Variants in PCDHGA8 observed in about 807,000 individuals in gnomAD.
PCDHGA8 encodes the protein protocadherin gamma subfamily A, 8.
In PCDHGA8, 45 loss-of-function variants were observed where a neutral mutation model predicts 59.2. The ratio of observed to expected loss-of-function variants is 0.76; its 90% CI spans 0.60 to 0.98. The LOEUF is 0.98. PCDHGA8 is among the 50% of genes least tolerant of loss of function. PCDHGA8 has a pLI of 0.00. For synonymous variants in PCDHGA8, 531 were observed against 519.0 expected (o/e 1.02, Z -0.32); for missense variants, 1,257 against 1,196.2 (o/e 1.05, Z -0.75).
intron 1 of PCDHGA8, among the ~76,000 whole-genome samples, chr5:141,467,960 C>T (rs1303642319): frequency 6.6e-6 from 1 of 151,998 alleles, no homozygotes; most frequent in Non-Finnish European, 1.5e-5. Flanking sequence ...CACCCGGCTG[C>T]CAGAAAATTT....
chr5:141,490,906 G>C lies in PCDHGA8; in HGVS notation c.2425-3901G>C. On this transcript the variant is annotated intron_variant, in intron 1 of 3. Transcript: ENST00000398604. The surrounding 1 kb of genome is among the most constrained non-coding windows in gnomAD (Gnocchi z 5.4). ...CACATCTCTGCATGTGTTTGTCCTA[G>C]ACGAGAATGATAATGCCCCAGCTGT... The C allele has an allele frequency of 1.9e-6, 3 of 1,613,798 alleles. No individual in the cohort carries two copies. The highest frequency in any genetic ancestry group is 2.5e-6 in the Non-Finnish European group (3 of 1,179,808).
chr5:141,441,838 C>T, intron 1 of PCDHGA8: 4 of 355,582 alleles, frequency 1.1e-5, no homozygotes, highest in South Asian at 9.6e-5. Flanking sequence ...TGGCTTCGCG[C>T]TCTTGGATAT....
intron 1 of PCDHGA8, among the ~76,000 whole-genome samples, chr5:141,488,802 A>G (rs910422824): frequency 2.0e-5 from 3 of 152,294 alleles, no homozygotes; most frequent in Middle Eastern, 3.4e-3. Flanking sequence ...CCTGTTGAGT[A>G]CCATCTGAGC....
intron 1 of PCDHGA8, among the ~76,000 whole-genome samples, chr5:141,438,655 T>G (rs1436221152): frequency 7.1e-6 from 1 of 140,042 alleles, no homozygotes; most frequent in East Asian, 2.1e-4. Flanking sequence ...CACACACATA[T>G]ATGTATATAT....
rs780268305 is a variant in PCDHGA8, at chr5:141,410,637, T to G, written c.2424+15400T>G. 1.9e-6 allele frequency: 3 copies of G among 1,599,938 alleles called. No homozygotes were observed. In the South Asian group the frequency reaches 3.3e-5, roughly 18 times the overall value. ...CTGACTTCGGTGAGTTTCTCTTTTT[T>G]GTGTGTGATTTATCTAATAGTCTAC... On this transcript the variant is annotated intron_variant, in intron 1 of 3. Transcript: ENST00000398604.
At chr5:141,415,804 A>C in intron 1 of PCDHGA8, 1 of 1,366,960 alleles carries the variant, frequency 7.3e-7, no homozygotes, top group Non-Finnish European at 9.4e-7. Flanking sequence ...AGTCTCAATC[A>C]AGGCCTATAT....
At position 141,493,906 on chromosome 5, in the gene PCDHGA8, G is replaced by A. The variant is rs2099750764; in HGVS notation, c.2425-901G>A. ...CTCTAGGAGTGCTCCATGAGAGTGT[G>A]TGATGGGATAACACACCCCCTGGAA... is the stretch of plus-strand genomic sequence containing the variant. On this transcript the variant is annotated intron_variant, in intron 1 of 3. Transcript: ENST00000398604. The surrounding 1 kb of genome is among the most constrained non-coding windows in gnomAD (Gnocchi z 4.3). Among the ~76,000 whole-genome samples the A allele has an allele frequency of 6.6e-6, 1 of 152,200 alleles. No individual in the cohort carries two copies. Among genetic ancestry groups the A allele is most frequent in the Non-Finnish European group, 1.5e-5 (1 of 68,032 alleles).
intron 1 of PCDHGA8, chr5:141,421,253 A>G: frequency 6.2e-7 from 1 of 1,607,298 alleles, no homozygotes; most frequent in South Asian, 1.1e-5. Context: ...CAGCGCGGGG[A>G]CCGCAGTCGG....
rs772659046 is a variant in PCDHGA8 at position 141,426,970 on chromosome 5, A to C, written c.2424+31733A>C. On this transcript the variant is annotated intron_variant, in intron 1 of 3. Coordinates refer to ENST00000398604, the MANE Select transcript of PCDHGA8 (RefSeq NM_032088.2). Reference sequence around the variant, plus strand: ...ACTGGCACTGCTGCAATTCAAATTGAGGTCACTGATGCCAACGATAATGCC... The same window carrying C: ...ACTGGCACTGCTGCAATTCAAATTGCGGTCACTGATGCCAACGATAATGCC... 72 of 456,624 alleles carry C rather than the reference A, an allele frequency of 1.6e-4. No homozygotes were observed. In the Middle Eastern group the frequency reaches 1.6e-3, roughly 10 times the overall value. The allele number at this position is 456,624 out of a possible 1,614,324, so 28.3% of individuals were successfully genotyped here. A position where few individuals can be genotyped will look rare whatever the true frequency, so the allele number is the denominator to read the frequency against.
In PCDHGA8 at chr5:141,476,776, G is replaced by A. The variant is rs764674164; in HGVS notation, c.2425-18031G>A. 9.3e-6 allele frequency: 15 copies of A among 1,612,744 alleles called. No homozygotes were observed. The highest frequency in any genetic ancestry group is 1.3e-5 in the Non-Finnish European group (15 of 1,179,218). On this transcript the variant is annotated intron_variant, in intron 1 of 3. Coordinates refer to ENST00000398604, the MANE Select transcript of PCDHGA8 (RefSeq NM_032088.2). This position sits in a 1 kb window ranked among gnomAD's most constrained non-coding sequence, Gnocchi z 7.6. ...TAGTGCTGACGGCGTTGGACGGAGG[G>A]ACCCCAGCTCTCTCCGCCAGCCTGC...
At chr5:141,505,015 A>G (rs965107997) in intron 2 of PCDHGA8, among the ~76,000 whole-genome samples, 1 of 152,160 alleles carries the variant, frequency 6.6e-6, no homozygotes, top group Admixed American at 6.5e-5. Flanking sequence ...TACAAAAATT[A>G]GCCTGGCACA....
chr5:141,404,809 G>A (rs1383342554), intron 1 of PCDHGA8: 1 of 1,613,984 alleles, frequency 6.2e-7, no homozygotes, highest in East Asian at 2.2e-5. Flanking sequence ...TCTTCTCGGT[G>A]GGGCTGCACA....
chr5:141,433,050 G>A, intron 1 of PCDHGA8: 2 of 1,614,142 alleles, frequency 1.2e-6, no homozygotes, highest in Non-Finnish European at 1.7e-6. Context: ...ACGGACTCGC[G>A]GAAGAGTCAC....
intron 2 of PCDHGA8, among the ~76,000 whole-genome samples, chr5:141,495,702 T>G (rs1462896403): frequency 6.6e-6 from 1 of 152,212 alleles, no homozygotes; most frequent in African/African-American, 2.4e-5. Context: ...TCAATAAATG[T>G]GGAGTGAGTA....
chr5:141,479,733 A>G (rs2099504879), intron 1 of PCDHGA8: 1 of 152,254 alleles, frequency 6.6e-6, no homozygotes, highest in Admixed American at 6.5e-5. Context: ...TTTCTTAAGT[A>G]TATGCACAAT....
intron 1 of PCDHGA8, among the ~76,000 whole-genome samples, chr5:141,435,743 G>T (rs3805699): frequency 0.11 from 17,212 of 152,168 alleles, 1,160 homozygotes; most frequent in African/African-American, 0.18. Context: ...TCTTTGAAAA[G>T]CATTGCTTGA....
chr5:141,426,958 C>A (rs1176636556), intron 1 of PCDHGA8: 1 of 456,728 alleles, frequency 2.2e-6, no homozygotes, highest in South Asian at 1.5e-5. Context: ...GGCACTGCTG[C>A]AATTCAAATT....
chr5:141,415,040 C>A (rs772941952), intron 1 of PCDHGA8: 3 of 1,613,520 alleles, frequency 1.9e-6, no homozygotes, highest in Non-Finnish European at 2.5e-6. Flanking sequence ...GGACTCTTCG[C>A]GGTGGGGGAG....
chr5:141,497,736 G>A (rs1437670417), intron 2 of PCDHGA8, among the ~76,000 whole-genome samples: 6 of 151,962 alleles, frequency 3.9e-5, no homozygotes, highest in Admixed American at 1.3e-4. Flanking sequence ...GATGGGTTTC[G>A]CCACGTTGGC....
Sources: gnomAD v4.1 joint callset for allele counts (sites outside exome capture counted in the v4.1 genomes callset) on GRCh38, gnomAD v4.1.1 for gene constraint, Gnocchi (gnomAD v3.1) non-coding constraint, MANE v1.5 for transcripts, NCBI Gene and HGNC (gene_info 2026-07-23, HGNC 2026-07-21) for gene names.